CACNG4: variants seen among roughly 807,000 people sequenced by gnomAD.
CACNG4 encodes the protein voltage-dependent calcium channel gamma-4 subunit.
Under a neutral mutation model 22.9 loss-of-function variants are expected in CACNG4, and 8 were observed. That is an observed-to-expected ratio of 0.35 (90% confidence interval 0.21 to 0.63). The LOEUF (loss-of-function observed/expected upper bound fraction) is 0.63, where lower values mean the gene tolerates loss of function less well. CACNG4 is among the 30% of genes least tolerant of loss of function. The probability of loss-of-function intolerance (pLI) is 0.72; values close to 1 mark genes in which losing one functional copy is unlikely to be tolerated. For synonymous variants in CACNG4, 188 were observed against 191.9 expected (o/e 0.98, Z 0.17); for missense variants, 357 against 455.4 (o/e 0.78, Z 1.97).
intron 3 of CACNG4, among the ~76,000 whole-genome samples, chr17:67,026,444 A>AT (rs989863932): frequency 2.3e-5 from 3 of 131,692 alleles, no homozygotes; most frequent in Non-Finnish European, 4.7e-5. Flanking sequence ...TATTTGAGGA[A>AT]TGTGGTGTAT....
chr17:66,972,939 AAAAC>A (rs969965335), intron 1 of CACNG4, among the ~76,000 whole-genome samples: 11 of 147,960 alleles, frequency 7.4e-5, no homozygotes, highest in South Asian at 2.2e-4. Flanking sequence ...AACAAAAACA[AAAAC>A]AAACAAACAA....
At chr17:67,014,180 T>C (rs1481050201) in intron 1 of CACNG4, among the ~76,000 whole-genome samples, 1 of 152,162 alleles carries the variant, frequency 6.6e-6, no homozygotes, top group African/African-American at 2.4e-5. Context: ...GATCTCACAA[T>C]TAGCCACCCT....
chr17:67,030,834 G>A lies in CACNG4; in HGVS notation c.814G>A (p.Gly272Arg). The change falls in exon 4 of 4, where the codon GGG becomes AGG. Residue 272 changes from glycine to arginine, a missense_variant. Gly to Arg is a moderately radical substitution (Grantham distance 125). Transcript: ENST00000262138. This position sits in a 1 kb window ranked among gnomAD's most constrained non-coding sequence, Gnocchi z 6.4. ...GLKITGAIPM[G>R]ELSMYTLSRE... ...GAAGATCACAGGGGCCATCCCCATG[G>A]GGGAGCTGTCCATGTACACGCTGTC... The A allele has an allele frequency of 6.2e-7, 1 of 1,613,870 alleles. No homozygotes were observed. Among genetic ancestry groups the A allele is most frequent in the Non-Finnish European group, 8.5e-7 (1 of 1,179,996 alleles).
chr17:67,021,999 T>C (rs2035534886), intron 2 of CACNG4, among the ~76,000 whole-genome samples: 1 of 151,698 alleles, frequency 6.6e-6, no homozygotes, highest in Non-Finnish European at 1.5e-5. Context: ...AAGGCATAGG[T>C]GCTTGTGTGA....
chr17:67,026,229 AGT>A (rs902656883), intron 3 of CACNG4, among the ~76,000 whole-genome samples: 4 of 134,174 alleles, frequency 3.0e-5, no homozygotes, highest in African/African-American at 8.7e-5. Flanking sequence ...GTGTGTGAAG[AGT>A]GTGGTGTGTA....
chr17:67,002,722 G>T (rs1598114808), intron 1 of CACNG4, among the ~76,000 whole-genome samples: 1 of 152,164 alleles, frequency 6.6e-6, no homozygotes, highest in East Asian at 1.9e-4. Context: ...AGAAGCAGGT[G>T]AGAGAATCCT....
At chr17:66,997,113 G>C (rs1013295536) in intron 1 of CACNG4, among the ~76,000 whole-genome samples, 1 of 152,208 alleles carries the variant, frequency 6.6e-6, no homozygotes, top group South Asian at 2.1e-4. Context: ...GTCAGTGATG[G>C]TGCTGTGGTC....
intron 2 of CACNG4, among the ~76,000 whole-genome samples, chr17:67,019,012 C>T (rs1411518998): frequency 6.6e-6 from 1 of 152,044 alleles, no homozygotes; most frequent in Non-Finnish European, 1.5e-5. Context: ...TGGCAGCAGC[C>T]AGGGAGGAGC....
chr17:67,023,648 T>C (rs1409072882), intron 2 of CACNG4, among the ~76,000 whole-genome samples: 1 of 150,658 alleles, frequency 6.6e-6, no homozygotes, highest in African/African-American at 2.4e-5. Flanking sequence ...CTCAGCTCAC[T>C]GCAACCTCCA....
intron 2 of CACNG4, among the ~76,000 whole-genome samples, chr17:67,023,876 CA>C (rs1191885593): frequency 6.6e-6 from 1 of 152,176 alleles, no homozygotes; most frequent in Non-Finnish European, 1.5e-5. Flanking sequence ...TGCGCCTGGC[CA>C]AGGCCCTTTT....
In CACNG4 at chr17:67,030,887, A is replaced by G; in HGVS notation, c.867A>G (p.Ala289=). Residue 289 remains alanine, a synonymous_variant, in exon 4 of 4, where the codon GCA becomes GCG. Transcript: ENST00000262138. The surrounding 1 kb of genome is among the most constrained non-coding windows in gnomAD (Gnocchi z 6.4). ...LSREPLKVTT[A]ASYSPDQEAS... ...GGGAGCCCCTCAAGGTGACCACCGC[A>G]GCCAGCTACAGCCCCGACCAGGAGG... 1 of 1,612,712 alleles carries G rather than the reference A, an allele frequency of 6.2e-7. No homozygotes were observed.
chr17:67,012,176 G>A (rs1424988378), intron 1 of CACNG4, among the ~76,000 whole-genome samples: 1 of 152,216 alleles, frequency 6.6e-6, no homozygotes, highest in Non-Finnish European at 1.5e-5. Context: ...CTGTGCAGGG[G>A]ACCAGGTGTT....
At chr17:67,022,205 G>T (rs375894214) in intron 2 of CACNG4, among the ~76,000 whole-genome samples, 1 of 151,752 alleles carries the variant, frequency 6.6e-6, no homozygotes, top group Admixed American at 6.6e-5. Context: ...CTCCTGAATC[G>T]CTGGGATTAC....
At chr17:66,999,275 T>TTGGTGGTGG (rs60713225) in intron 1 of CACNG4, among the ~76,000 whole-genome samples, 32 of 151,054 alleles carry the variant, frequency 2.1e-4, no homozygotes, top group African/African-American at 7.8e-4. Flanking sequence ...GGCAGTAGAG[T>TTGGTGGTGG]TGGTGGTGGT....
rs371334947 is a variant in CACNG4, at chr17:67,025,008, G to A, written c.445+8G>A. ...TCCTCTTCGTGGCTGCAGGTGAGCC[G>A]CCCGCCCGGGCTGGTGCTGGGCCGG... On this transcript the variant is annotated splice_region_variant and intron_variant, in intron 3 of 3. Coordinates refer to ENST00000262138, the MANE Select transcript of CACNG4 (RefSeq NM_014405.4). The A allele has an allele frequency of 4.9e-5, 78 of 1,577,310 alleles. No homozygotes were observed. Among genetic ancestry groups the A allele is most frequent in the Admixed American group, 2.7e-4 (15 of 56,548 alleles).
At chr17:66,982,338 A>T (rs1358050907) in intron 1 of CACNG4, among the ~76,000 whole-genome samples, 2 of 152,124 alleles carry the variant, frequency 1.3e-5, no homozygotes, top group East Asian at 1.9e-4. Context: ...GATCTATTTT[A>T]CAGAGTGCTG....
intron 2 of CACNG4, among the ~76,000 whole-genome samples, chr17:67,019,260 T>C (rs969812734): frequency 6.6e-6 from 1 of 152,036 alleles, no homozygotes; most frequent in East Asian, 1.9e-4. Flanking sequence ...CAGCACGCGG[T>C]TCCCATAGAG....
chr17:66,987,117 G>C (rs2035309723), intron 1 of CACNG4, among the ~76,000 whole-genome samples: 1 of 152,058 alleles, frequency 6.6e-6, no homozygotes, highest in South Asian at 2.1e-4. Context: ...ATGAGTACAG[G>C]GTTTCCATTT....
At chr17:66,969,393 G>A (rs915440926) in intron 1 of CACNG4, among the ~76,000 whole-genome samples, 1 of 152,254 alleles carries the variant, frequency 6.6e-6, no homozygotes, top group African/African-American at 2.4e-5. Flanking sequence ...CCACAGCTCT[G>A]CCAGGGCCTT....
Sources: allele counts gnomAD v4.1 joint callset (sites outside exome capture counted in the v4.1 genomes callset), GRCh38; gene constraint gnomAD v4.1.1; non-coding constraint Gnocchi (gnomAD v3.1); transcripts MANE v1.5; gene names NCBI Gene and HGNC (gene_info 2026-07-23, HGNC 2026-07-21).